GPD2: variants seen among roughly 807,000 people sequenced by gnomAD.
GPD2 encodes the protein glycerol-3-phosphate dehydrogenase, mitochondrial.
Under a neutral mutation model 82.4 loss-of-function variants are expected in GPD2, and 54 were observed. That is an observed-to-expected ratio of 0.66 (90% CI 0.53 to 0.82). The LOEUF (loss-of-function observed/expected upper bound fraction) is 0.82, where lower values mean the gene tolerates loss of function less well. Ranked by LOEUF, GPD2 falls within the 40% of genes least tolerant of loss-of-function variation. GPD2 has a pLI of 0.00. For synonymous variants in GPD2, 288 were observed against 306.1 expected (o/e 0.94, Z 0.62); for missense variants, 748 against 896.2 (o/e 0.83, Z 2.11).
At chr2:156,452,606 T>G (rs1047765090) in intron 1 of GPD2, among the ~76,000 whole-genome samples, 2 of 152,176 alleles carry the variant, frequency 1.3e-5, no homozygotes, top group Non-Finnish European at 2.9e-5. Flanking sequence ...AGTTTCATTA[T>G]GAAGGAAAGC....
chr2:156,568,719 C>A, intron 9 of GPD2, 106 bp from the exon 10 acceptor site: 3 of 935,460 alleles, frequency 3.2e-6, no homozygotes, highest in Non-Finnish European at 5.2e-6. Context: ...TTTTAAAGTG[C>A]ACACATGTGT....
At chr2:156,582,529 A>G (rs1247088968) in intron 16 of GPD2, among the ~76,000 whole-genome samples, 2 of 151,890 alleles carry the variant, frequency 1.3e-5, no homozygotes, top group Non-Finnish European at 2.9e-5. Flanking sequence ...AGGACAAAAA[A>G]TGATGCATTA....
intron 1 of GPD2, among the ~76,000 whole-genome samples, chr2:156,443,366 C>T (rs1682246529): frequency 6.6e-6 from 1 of 152,148 alleles, no homozygotes; most frequent in African/African-American, 2.4e-5. Context: ...AATCCAAGTG[C>T]CTTTCATGTG....
At chr2:156,459,175 A>G (rs1263439992) in intron 1 of GPD2, among the ~76,000 whole-genome samples, 2 of 152,156 alleles carry the variant, frequency 1.3e-5, no homozygotes, top group East Asian at 3.8e-4. Flanking sequence ...TGTCTAACTT[A>G]TTTAAGGGTG....
intron 1 of GPD2, among the ~76,000 whole-genome samples, chr2:156,445,627 T>G (rs1682343988): frequency 6.6e-6 from 1 of 152,246 alleles, no homozygotes; most frequent in Non-Finnish European, 1.5e-5. Context: ...CAGTCTTCTT[T>G]TCTACTCCTA....
the GPD2 span, among the ~76,000 whole-genome samples, chr2:156,410,478 A>T: frequency 6.6e-6 from 1 of 152,204 alleles, no homozygotes; most frequent in Non-Finnish European, 1.5e-5. Context: ...TTTGGCACAT[A>T]ATATATTTAC....
At chr2:156,411,305 C>G in the GPD2 span, among the ~76,000 whole-genome samples, 1 of 152,122 alleles carries the variant, frequency 6.6e-6, no homozygotes, top group South Asian at 2.1e-4. Context: ...AGTTCTCTCT[C>G]TCTCTCTTTT....
chr2:156,451,979 C>T (rs1682618930), intron 1 of GPD2, among the ~76,000 whole-genome samples: 1 of 150,810 alleles, frequency 6.6e-6, no homozygotes, highest in African/African-American at 2.4e-5. Context: ...GAGGCGCTCC[C>T]CACATCTCAG....
At chr2:156,465,135 G>A (rs1209376725) in intron 1 of GPD2, among the ~76,000 whole-genome samples, 1 of 152,166 alleles carries the variant, frequency 6.6e-6, no homozygotes, top group East Asian at 1.9e-4. Flanking sequence ...ACAGGCATGA[G>A]CCACCGTGCC....
At chr2:156,478,315 A>G (rs1052781043) in intron 2 of GPD2, among the ~76,000 whole-genome samples, 7 of 152,184 alleles carry the variant, frequency 4.6e-5, no homozygotes, top group African/African-American at 7.2e-5. Flanking sequence ...AGCAGCTTGA[A>G]GTCATTTATA....
chr2:156,413,505 A>AC, the GPD2 span, among the ~76,000 whole-genome samples: 1 of 151,002 alleles, frequency 6.6e-6, no homozygotes, highest in Non-Finnish European at 1.5e-5. Flanking sequence ...AATCACTTGA[A>AC]CCCAGGAGGC....
rs373926940 is a variant in GPD2, at chr2:156,549,601, G to A, written c.662-7G>A. On this transcript the variant is annotated splice_region_variant and splice_polypyrimidine_tract_variant and intron_variant, in intron 6 of 16. Transcript: ENST00000438166. The stretch of plus-strand genomic sequence containing the variant: ...CTCTCCCTCCCCTGATGCTTTCCCC[G>A]CTGCAGGACAACATAACGATGCACG... The A allele has an allele frequency of 9.5e-5, 154 of 1,613,682 alleles. No homozygotes were observed. Among genetic ancestry groups the A allele is most frequent in the East Asian group, 5.1e-4 (23 of 44,888 alleles).
At chr2:156,540,534 C>T (rs1354452985) in intron 6 of GPD2, among the ~76,000 whole-genome samples, 1 of 152,188 alleles carries the variant, frequency 6.6e-6, no homozygotes, top group East Asian at 1.9e-4. Flanking sequence ...TACCCATTTA[C>T]TGGCTATTTA....
the GPD2 span, among the ~76,000 whole-genome samples, chr2:156,423,957 CA>C: frequency 6.6e-6 from 1 of 152,176 alleles, no homozygotes. Context: ...GCTTAGTTAC[CA>C]AAAGCCACGC....
intron 1 of GPD2, among the ~76,000 whole-genome samples, chr2:156,458,967 G>A (rs1229019822): frequency 6.7e-6 from 1 of 149,334 alleles, no homozygotes; most frequent in Non-Finnish European, 1.5e-5. Flanking sequence ...TCACTTGTGA[G>A]TGTGTATGTG....
At chr2:156,401,829 A>G in the GPD2 span, among the ~76,000 whole-genome samples, 1 of 152,180 alleles carries the variant, frequency 6.6e-6, no homozygotes, top group Non-Finnish European at 1.5e-5. Flanking sequence ...GGAAAGTGAA[A>G]TTGTGAATGA....
At chr2:156,493,928 G>GTA (rs1320875755) in intron 2 of GPD2, among the ~76,000 whole-genome samples, 97 of 42,510 alleles carry the variant, frequency 2.3e-3, no homozygotes, top group African/African-American at 3.9e-3. Flanking sequence ...ATATATGTAT[G>GTA]TGTGTGTGTG....
the GPD2 span, among the ~76,000 whole-genome samples, chr2:156,416,923 A>G: frequency 6.6e-6 from 1 of 152,192 alleles, no homozygotes; most frequent in Admixed American, 6.5e-5. Context: ...GGTAGCAGCT[A>G]ACATCCAGGT....
At chr2:156,459,853 C>G (rs1682931128) in intron 1 of GPD2, among the ~76,000 whole-genome samples, 1 of 152,052 alleles carries the variant, frequency 6.6e-6, no homozygotes, top group Non-Finnish European at 1.5e-5. Flanking sequence ...TCTGTAATCT[C>G]TGCAGAGCAC....
Sources: allele counts gnomAD v4.1 joint callset (sites outside exome capture counted in the v4.1 genomes callset), GRCh38; gene constraint gnomAD v4.1.1; transcripts MANE v1.5; gene names NCBI Gene and HGNC (gene_info 2026-07-23, HGNC 2026-07-21).